SBF2: variants seen among roughly 807,000 people sequenced by gnomAD.
SBF2 encodes the protein myotubularin-related protein 13.
In SBF2, 112 loss-of-function variants were observed where a neutral mutation model predicts 225.2. The ratio of observed to expected loss-of-function variants is 0.50; its 90% CI spans 0.43 to 0.58. The LOEUF (loss-of-function observed/expected upper bound fraction) is 0.58, where lower values mean the gene tolerates loss of function less well. Among genes scored for constraint, SBF2 ranks in the 20% least tolerant of loss-of-function variants. SBF2 has a pLI of 0.00. For synonymous variants in SBF2, 763 were observed against 773.3 expected, an observed-to-expected ratio of 0.99 and a Z score of 0.22; for missense variants, 1,996 against 2,206.2, an observed-to-expected ratio of 0.90 and a Z score of 1.91.
intron 1 of SBF2, among the ~76,000 whole-genome samples, chr11:10,301,025 T>C (rs1313482749): frequency 4.6e-5 from 7 of 152,304 alleles, no homozygotes; most frequent in African/African-American, 2.4e-5. Flanking sequence ...GGCTTTACCA[T>C]GTACAAGAAC....
chr11:10,241,593 C>G (rs1401975670), intron 1 of SBF2, among the ~76,000 whole-genome samples: 2 of 151,982 alleles, frequency 1.3e-5, no homozygotes, highest in African/African-American at 4.8e-5. Flanking sequence ...AATCAGGAAA[C>G]ATTACAGATC....
chr11:10,133,815 A>C (rs1253155009), intron 2 of SBF2, among the ~76,000 whole-genome samples: 1 of 152,124 alleles, frequency 6.6e-6, no homozygotes, highest in Non-Finnish European at 1.5e-5. Flanking sequence ...CAGGCAGGGG[A>C]GGTGCCGAGA....
rs776600727 is a variant in SBF2 at position 9,780,544 on chromosome 11, A to T, written c.5452-28T>A. Reference sequence around the variant, plus strand: ...ACAAAACCAAATGACAGTGAACCAGAGATGAAGGGCAGGGCTGTTTTATGG... The same window carrying T: ...ACAAAACCAAATGACAGTGAACCAGTGATGAAGGGCAGGGCTGTTTTATGG... On this transcript the variant is annotated intron_variant, in intron 39 of 39. Transcript: ENST00000256190. 1.0e-5 allele frequency: 16 copies of T among 1,591,714 alleles called. No individual in the cohort carries two copies. In the East Asian group the frequency reaches 3.1e-4, roughly 31 times the overall value.
intron 2 of SBF2, among the ~76,000 whole-genome samples, chr11:10,096,406 T>A: frequency 7.2e-6 from 1 of 139,328 alleles, no homozygotes; most frequent in Middle Eastern, 3.9e-3. Context: ...TTGATTAGCC[T>A]TATAAGTCAA....
At chr11:10,229,151 T>C (rs530751743) in intron 1 of SBF2, among the ~76,000 whole-genome samples, 1,620 of 152,278 alleles carry the variant, frequency 0.011, 33 homozygotes, top group African/African-American at 0.037. Context: ...TTCTGTGGGA[T>C]AGGTGGTGAT....
chr11:10,135,501 G>A (rs924884882), intron 2 of SBF2, among the ~76,000 whole-genome samples: 8 of 152,080 alleles, frequency 5.3e-5, no homozygotes, highest in African/African-American at 1.9e-4. Flanking sequence ...CTCTGCTTCC[G>A]TTATAAAATT....
chr11:10,221,969 A>C (rs1318794423), intron 1 of SBF2, among the ~76,000 whole-genome samples: 1 of 152,252 alleles, frequency 6.6e-6, no homozygotes, highest in Non-Finnish European at 1.5e-5. Context: ...TAGGAAGAAG[A>C]GACCCAGAAA....
intron 1 of SBF2, among the ~76,000 whole-genome samples, chr11:10,235,047 A>C (rs1959008633): frequency 6.6e-6 from 1 of 152,224 alleles, no homozygotes; most frequent in Admixed American, 6.5e-5. Flanking sequence ...AGGTGTGAGT[A>C]AGCACTGGTA....
At chr11:10,298,878 C>A (rs1427886948), upstream of SBF2, among the ~76,000 whole-genome samples, 1 of 152,202 alleles carries the variant, frequency 6.6e-6, no homozygotes, top group Non-Finnish European at 1.5e-5. Context: ...AGGTTCTTAA[C>A]TGTTTTCCCA....
At chr11:10,178,483 A>C (rs538230745) in intron 2 of SBF2, among the ~76,000 whole-genome samples, 19 of 148,646 alleles carry the variant, frequency 1.3e-4, no homozygotes, top group East Asian at 4.1e-4. Context: ...CAATGAACTC[A>C]AACAAATTTA....
At chr11:9,911,715 A>T (rs1862632947) in intron 16 of SBF2, among the ~76,000 whole-genome samples, 1 of 152,180 alleles carries the variant, frequency 6.6e-6, no homozygotes, top group Non-Finnish European at 1.5e-5. Flanking sequence ...CATTCACGGT[A>T]ATTGTCCTAT....
chr11:10,278,843 C>T (rs548038633), intron 1 of SBF2, among the ~76,000 whole-genome samples: 3 of 150,674 alleles, frequency 2.0e-5, no homozygotes, highest in African/African-American at 7.3e-5. Context: ...TAATCAATGC[C>T]TTCACTTTCC....
intron 16 of SBF2, among the ~76,000 whole-genome samples, chr11:9,953,304 C>T (rs551880335): frequency 1.1e-4 from 16 of 152,130 alleles, no homozygotes; most frequent in Non-Finnish European, 1.0e-4. Flanking sequence ...ATTGGCCAGG[C>T]GTGGTGGCAT....
At chr11:9,953,452 G>GA (rs1355234479) in intron 16 of SBF2, among the ~76,000 whole-genome samples, 1 of 151,476 alleles carries the variant, frequency 6.6e-6, no homozygotes, top group Non-Finnish European at 1.5e-5. Flanking sequence ...AAACGAAAAA[G>GA]AAAAAAAAGA....
intron 2 of SBF2, among the ~76,000 whole-genome samples, chr11:10,076,583 G>T (rs781021124): frequency 6.6e-6 from 1 of 152,214 alleles, no homozygotes; most frequent in South Asian, 2.1e-4. Context: ...GACCTGGGGC[G>T]ATGTTACAAT....
chr11:10,198,908 C>T (rs895721545), intron 1 of SBF2, among the ~76,000 whole-genome samples: 14 of 152,210 alleles, frequency 9.2e-5, no homozygotes, highest in African/African-American at 3.4e-4. Context: ...GAGGATTAGG[C>T]TTTGTCTTAA....
At chr11:10,200,204 AT>A (rs1438806452) in intron 1 of SBF2, among the ~76,000 whole-genome samples, 2 of 152,186 alleles carry the variant, frequency 1.3e-5, no homozygotes, top group Non-Finnish European at 2.9e-5. Flanking sequence ...GGAAAATTAC[AT>A]TACTTCTCTG....
At chr11:10,243,471 T>C (rs947022539) in intron 1 of SBF2, among the ~76,000 whole-genome samples, 4 of 150,160 alleles carry the variant, frequency 2.7e-5, no homozygotes, top group African/African-American at 9.8e-5. Context: ...TAATAAAAAT[T>C]AGAGTCAAAA....
chr11:9,778,900 T>C lies in SBF2; in HGVS notation c.*1518A>G, dbSNP rs1851867310. On this transcript the variant is annotated 3_prime_UTR_variant, in exon 40 of 40. Coordinates refer to ENST00000256190, the MANE Select transcript of SBF2 (RefSeq NM_030962.4). The stretch of plus-strand genomic sequence containing the variant: ...AAGAAGCACTGTGTATAGTCTCAAA[T>C]AGCTGAAGGTACAATGGGCTCCATA... 1.3e-5 allele frequency: 2 copies of C among 152,628 alleles called. No homozygotes were observed. The highest frequency in any genetic ancestry group is 4.8e-5 in the African/African-American group (2 of 41,466). 9.5% of individuals were successfully genotyped at this position (152,628 alleles called of 1,614,324 possible). A position where few individuals can be genotyped will look rare whatever the true frequency, so the allele number is the denominator to read the frequency against.
Sources: allele counts gnomAD v4.1 joint callset (sites outside exome capture counted in the v4.1 genomes callset), GRCh38; gene constraint gnomAD v4.1.1; transcripts MANE v1.5; gene names NCBI Gene and HGNC (gene_info 2026-07-23, HGNC 2026-07-21).